SLC16A9: variants seen among roughly 807,000 people sequenced by gnomAD.
The protein encoded by SLC16A9 is solute carrier family 16 member 9, also known as monocarboxylate transporter 9.
Under a neutral mutation model 44.3 loss-of-function variants are expected in SLC16A9, and 26 were observed. The observed-to-expected ratio is 0.59, with a 90% CI of 0.43 to 0.81. The LOEUF is 0.81. SLC16A9 is among the 40% of genes least tolerant of loss of function. SLC16A9 has a pLI of 0.00. For synonymous variants in SLC16A9, 230 were observed against 225.1 expected, an observed-to-expected ratio of 1.02 and a Z score of -0.19; for missense variants, 559 against 595.8, an observed-to-expected ratio of 0.94 and a Z score of 0.64.
intron 3 of SLC16A9, among the ~76,000 whole-genome samples, chr10:59,670,411 G>A (rs1051170454): frequency 2.6e-5 from 4 of 152,152 alleles, no homozygotes; most frequent in South Asian, 2.1e-4. Flanking sequence ...CCTATAAGAC[G>A]GGTGCTATTA....
At chr10:59,689,356 G>C (rs1305793224) in intron 1 of SLC16A9, among the ~76,000 whole-genome samples, 1 of 152,020 alleles carries the variant, frequency 6.6e-6, no homozygotes, top group Non-Finnish European at 1.5e-5. Flanking sequence ...TTTTGTAATG[G>C]TGCTCAACTT....
intron 2 of SLC16A9, among the ~76,000 whole-genome samples, chr10:59,677,916 A>AG (rs1012133220): frequency 4.0e-5 from 6 of 151,652 alleles, no homozygotes; most frequent in Non-Finnish European, 7.4e-5. Context: ...TTTAAGTTTT[A>AG]GGGTACATGT....
intron 1 of SLC16A9, among the ~76,000 whole-genome samples, chr10:59,704,422 C>T (rs1031601494): frequency 4.6e-5 from 7 of 152,088 alleles, no homozygotes; most frequent in Admixed American, 2.6e-4. Flanking sequence ...AGTTGAGAGA[C>T]GTCATGCTAA....
chr10:59,659,129 G>A (rs973043953), intron 4 of SLC16A9, among the ~76,000 whole-genome samples: 7 of 152,098 alleles, frequency 4.6e-5, no homozygotes, highest in African/African-American at 1.7e-4. Flanking sequence ...ACTTTTATAT[G>A]TCCAGAATGC....
chr10:59,689,937 G>A (rs1476888356), intron 1 of SLC16A9, among the ~76,000 whole-genome samples: 2 of 151,754 alleles, frequency 1.3e-5, no homozygotes, highest in Non-Finnish European at 2.9e-5. Context: ...CCCTTATTTG[G>A]CACTCTTTTT....
Position 59,697,559 on chromosome 10 carries a change from C to A in SLC16A9, c.-37+11920G>T, listed in dbSNP as rs1012603989. Among the ~76,000 whole-genome samples, 277 of 149,978 alleles carry A rather than the reference C, an allele frequency of 1.8e-3. 2 individuals carry two copies. The highest frequency in any genetic ancestry group is 3.4e-3 in the Non-Finnish European group (228 of 66,810). ...GCATGCTCGTTAAGAGTCATCGCCA[C>A]TCCCTAATCTCAAGTACCCAGGGAC... On this transcript the variant is annotated intron_variant, in intron 1 of 5. Coordinates refer to ENST00000395348, the MANE Select transcript of SLC16A9 (RefSeq NM_194298.3).
At chr10:59,696,833 A>G (rs1588994738) in intron 1 of SLC16A9, among the ~76,000 whole-genome samples, 1 of 147,302 alleles carries the variant, frequency 6.8e-6, no homozygotes, top group Non-Finnish European at 1.5e-5. Flanking sequence ...CCCGGCAGCC[A>G]CACCGTCTGA....
chr10:59,687,711 A>T (rs531986575), intron 1 of SLC16A9, among the ~76,000 whole-genome samples: 125 of 152,192 alleles, frequency 8.2e-4, no homozygotes, highest in Non-Finnish European at 1.6e-3. Context: ...TCATGCCTGT[A>T]ATGCCAGAAC....
At position 59,651,425 on chromosome 10, in the gene SLC16A9, CA is replaced by C. The variant is rs1215740436; in HGVS notation, c.*1346del. On this transcript the variant is annotated 3_prime_UTR_variant, in exon 6 of 6. Coordinates refer to ENST00000395348, the MANE Select transcript of SLC16A9 (RefSeq NM_194298.3). ...TTATTTAAAAGAATAAATGTTTTTC[CA>C]TTGCCAATCTTATAAAAATTCTCAA... 1 of 151,992 alleles carries C rather than the reference CA, an allele frequency of 6.6e-6. No homozygotes were observed. The highest frequency in any genetic ancestry group is 2.4e-5 in the African/African-American group (1 of 41,388). The allele number at this position is 151,992 out of a possible 1,614,324, so 9.4% of individuals were successfully genotyped here.
intron 1 of SLC16A9, among the ~76,000 whole-genome samples, chr10:59,697,284 A>C (rs1431047675): frequency 6.6e-6 from 1 of 151,452 alleles, no homozygotes; most frequent in East Asian, 1.9e-4. Context: ...GTTTTGTGGA[A>C]TAGAAAGGGG....
At chr10:59,670,212 T>C (rs981939164) in intron 3 of SLC16A9, among the ~76,000 whole-genome samples, 2 of 152,234 alleles carry the variant, frequency 1.3e-5, no homozygotes, top group Non-Finnish European at 2.9e-5. Context: ...TAAACATCTC[T>C]GTATGCCTCT....
At chr10:59,675,789 G>A (rs994103004) in intron 2 of SLC16A9, among the ~76,000 whole-genome samples, 1 of 152,196 alleles carries the variant, frequency 6.6e-6, no homozygotes, top group Admixed American at 6.5e-5. Flanking sequence ...CCAACCATAA[G>A]GAAAGAATCA....
intron 3 of SLC16A9, among the ~76,000 whole-genome samples, chr10:59,665,984 AC>A (rs1161466304): frequency 6.6e-6 from 1 of 152,172 alleles, no homozygotes. Flanking sequence ...AAACACATTT[AC>A]TTTAAATTTG....
At chr10:59,657,151 C>A (rs181637312) in intron 4 of SLC16A9, among the ~76,000 whole-genome samples, 1 of 152,130 alleles carries the variant, frequency 6.6e-6, no homozygotes, top group South Asian at 2.1e-4. Context: ...TATTTATGCA[C>A]GCTGAAATGT....
At chr10:59,685,589 C>T (rs149047673) in intron 1 of SLC16A9, among the ~76,000 whole-genome samples, 1 of 152,316 alleles carries the variant, frequency 6.6e-6, no homozygotes, top group Non-Finnish European at 1.5e-5. Context: ...CTTCCTTATT[C>T]ATTTCTTACT....
chr10:59,665,107 C>G lies in SLC16A9; in HGVS notation c.341-785G>C, dbSNP rs114576533. ...CCTGAATCCTAAGGGTAATATTTATCTCCAGATCATCTCCAAGGCTCTCGT... is the reference window on the plus strand; with the variant it reads ...CCTGAATCCTAAGGGTAATATTTATGTCCAGATCATCTCCAAGGCTCTCGT... On this transcript the variant is annotated intron_variant, in intron 3 of 5. Coordinates refer to ENST00000395348, the MANE Select transcript of SLC16A9 (RefSeq NM_194298.3). Among the ~76,000 whole-genome samples, 735 of 152,236 alleles carry G rather than the reference C, an allele frequency of 4.8e-3. 4 individuals carry two copies. Among genetic ancestry groups the G allele is most frequent in the African/African-American group, 0.017 (690 of 41,540 alleles).
At chr10:59,689,233 T>G (rs1025907623) in intron 1 of SLC16A9, among the ~76,000 whole-genome samples, 4 of 152,200 alleles carry the variant, frequency 2.6e-5, no homozygotes, top group Non-Finnish European at 5.9e-5. Context: ...GTCACTCTAG[T>G]ACCCTCCTCC....
At chr10:59,702,350 C>A (rs1840542507) in intron 1 of SLC16A9, among the ~76,000 whole-genome samples, 1 of 152,154 alleles carries the variant, frequency 6.6e-6, no homozygotes, top group African/African-American at 2.4e-5. Context: ...TTACCTGATT[C>A]TTTCCGATTC....
In SLC16A9 at chr10:59,674,112, G is replaced by A. The variant is rs191428416; in HGVS notation, c.197-1199C>T. On this transcript the variant is annotated intron_variant, in intron 2 of 5. Transcript: ENST00000395348. ...TGGCATGAATGTAATGATTATATGAGTGTATTCAGTTCATGAGCATTCATC... is the reference window on the plus strand; with the variant it reads ...TGGCATGAATGTAATGATTATATGAATGTATTCAGTTCATGAGCATTCATC... Among the ~76,000 whole-genome samples, 12 of 152,218 alleles carry A rather than the reference G, an allele frequency of 7.9e-5. No homozygotes were observed. In the East Asian group the frequency reaches 2.1e-3, roughly 27 times the overall value.
Sources: gnomAD v4.1 joint callset for allele counts (sites outside exome capture counted in the v4.1 genomes callset) on GRCh38, gnomAD v4.1.1 for gene constraint, MANE v1.5 for transcripts, NCBI Gene and HGNC (gene_info 2026-07-23, HGNC 2026-07-21) for gene names.